The following PGAM5 variants were observed in gnomAD, a reference collection of about 807,000 sequenced individuals.
PGAM5 encodes the protein PGAM family member 5, mitochondrial serine/threonine protein phosphatase, also known as serine/threonine-protein phosphatase PGAM5, mitochondrial.
Under a neutral mutation model 30.6 loss-of-function variants are expected in PGAM5, and 25 were observed. The observed-to-expected ratio is 0.82, with a 90% CI of 0.60 to 1.14. The LOEUF is 1.14. PGAM5 is among the 50% of genes most tolerant of loss of function. The pLI is 0.00. For synonymous variants in PGAM5, 201 were observed against 179.1 expected (o/e 1.12, Z -0.98); for missense variants, 384 against 408.5 (o/e 0.94, Z 0.52).
intron 2 of PGAM5, 29 bp downstream of exon 2, chr12:132,715,065 A>AC: frequency 6.4e-7 from 1 of 1,565,162 alleles, no homozygotes; most frequent in South Asian, 1.2e-5. Flanking sequence ...TCCTCTGTGG[A>AC]CCCTCGTGGT....
In PGAM5 at chr12:132,719,324, TG is replaced by T. The variant is rs576474890; in HGVS notation, c.719+1207del. Among the ~76,000 whole-genome samples, 567 of 152,248 alleles carry T rather than the reference TG, an allele frequency of 3.7e-3. 4 individuals carry two copies. Among genetic ancestry groups the T allele is most frequent in the African/African-American group, 0.013 (521 of 41,550 alleles). On this transcript the variant is annotated intron_variant, in intron 5 of 5. Transcript: ENST00000498926. ...CCCTGGTCTCTGCCCGTCTGTCACC[TG>T]GGCCTGTCACCAGGGCTGGGGCTGC... is the stretch of plus-strand genomic sequence containing the variant.
rs2043640391 is a variant in PGAM5 at position 132,721,090 on chromosome 12, T to C, written c.*262T>C. On this transcript the variant is annotated 3_prime_UTR_variant, in exon 6 of 6. Transcript: ENST00000498926. ...ACAAGTCAGGCCTGTTGTGGGGACT[T>C]GAAAGAGGCCTGACCCAGACCACCA... 5.9e-6 allele frequency: 2 copies of C among 336,568 alleles called. No homozygotes were observed. The highest frequency in any genetic ancestry group is 5.2e-5 in the South Asian group (1 of 19,344). The allele number at this position is 336,568 out of a possible 1,614,324, so 20.8% of individuals were successfully genotyped here. A position where few individuals can be genotyped will look rare whatever the true frequency, so the allele number is the denominator to read the frequency against.
At chr12:132,711,577 T>G (rs1250575467) in intron 1 of PGAM5, 1 of 151,932 alleles carries the variant, frequency 6.6e-6, no homozygotes, top group Non-Finnish European at 1.5e-5. Context: ...GCTTGAGAAA[T>G]TTGAAACCAG....
chr12:132,715,686 CT>C (rs1158436449), intron 2 of PGAM5, among the ~76,000 whole-genome samples: 1 of 152,180 alleles, frequency 6.6e-6, no homozygotes, highest in Admixed American at 6.5e-5. Flanking sequence ...CGAGACCAGC[CT>C]GGCCAACAGG....
In PGAM5 at chr12:132,717,677, C is replaced by T. The variant is rs766593180; in HGVS notation, c.497-33C>T. 3.2e-6 allele frequency: 5 copies of T among 1,564,114 alleles called. No individual in the cohort carries two copies. In the Admixed American group the frequency reaches 7.5e-5, roughly 24 times the overall value. ...CACAGCATCTCCGCCGGCGGGGCCG[C>T]CTCACCCAGCGCTTCGCTGTGCTTC... On this transcript the variant is annotated intron_variant, in intron 3 of 5. Transcript: ENST00000498926.
intron 5 of PGAM5, chr12:132,718,836 C>T (rs145248155): frequency 0.016 from 26,189 of 1,613,192 alleles, 233 homozygotes; most frequent in Middle Eastern, 0.036. Flanking sequence ...GATCTGTGGG[C>T]GCTCCCACCC....
chr12:132,719,888 C>T (rs2043625617), intron 5 of PGAM5, among the ~76,000 whole-genome samples: 1 of 152,100 alleles, frequency 6.6e-6, no homozygotes. Context: ...GAAGATGCCA[C>T]GGCGGGTAGA....
At chr12:132,715,118 C>A (rs1050602915) in intron 2 of PGAM5, 82 bp downstream of exon 2, 4 of 1,411,112 alleles carry the variant, frequency 2.8e-6, no homozygotes, top group Non-Finnish European at 3.8e-6. Flanking sequence ...GGTTATGTGA[C>A]TGGGTGCAGG....
At chr12:132,712,892 T>C (rs1383829299) in intron 1 of PGAM5, among the ~76,000 whole-genome samples, 1 of 152,028 alleles carries the variant, frequency 6.6e-6, no homozygotes, top group African/African-American at 2.4e-5. Flanking sequence ...GTGCGGTGGC[T>C]CACACCTGTA....
intron 1 of PGAM5, among the ~76,000 whole-genome samples, chr12:132,713,673 T>G (rs1219861463): frequency 6.6e-6 from 1 of 152,156 alleles, no homozygotes; most frequent in East Asian, 1.9e-4. Context: ...CGCGTTGAAC[T>G]TTTTTTGTTG....
chr12:132,715,593 C>T (rs7956215), intron 2 of PGAM5, among the ~76,000 whole-genome samples: 46,177 of 141,634 alleles, frequency 0.33, 7,981 homozygotes, highest in Non-Finnish European at 0.41. Flanking sequence ...AATGTCCTTA[C>T]CTTGGCCAGG....
At chr12:132,719,829 G>A (rs1350188576) in intron 5 of PGAM5, among the ~76,000 whole-genome samples, 2 of 152,230 alleles carry the variant, frequency 1.3e-5, no homozygotes, top group African/African-American at 2.4e-5. Flanking sequence ...AGGCGATGAA[G>A]GCAACTCCGA....
intron 1 of PGAM5, among the ~76,000 whole-genome samples, chr12:132,713,920 C>T (rs1023399547): frequency 2.0e-5 from 3 of 152,164 alleles, no homozygotes; most frequent in Non-Finnish European, 4.4e-5. Flanking sequence ...CTGCCCACCT[C>T]GGCCTCCCAA....
intron 1 of PGAM5, among the ~76,000 whole-genome samples, chr12:132,712,905 C>T (rs576266077): frequency 1.4e-4 from 22 of 152,206 alleles, no homozygotes; most frequent in African/African-American, 5.3e-4. Flanking sequence ...CACCTGTAAT[C>T]CCAGCATTTT....
intron 1 of PGAM5, chr12:132,711,481 G>T (rs2043522250): frequency 6.5e-6 from 1 of 153,628 alleles, no homozygotes; most frequent in African/African-American, 2.4e-5. Context: ...CTTAGTTTAC[G>T]TCAATTTAAA....
intron 2 of PGAM5, among the ~76,000 whole-genome samples, chr12:132,715,433 C>T (rs2043565946): frequency 6.6e-6 from 1 of 151,506 alleles, no homozygotes; most frequent in Admixed American, 6.6e-5. Context: ...TAGCCAGGTG[C>T]AGTGGTGGGC....
At chr12:132,715,849 A>G (rs2043571672) in intron 2 of PGAM5, among the ~76,000 whole-genome samples, 1 of 152,096 alleles carries the variant, frequency 6.6e-6, no homozygotes, top group Non-Finnish European at 1.5e-5. Flanking sequence ...ACTGCACTCT[A>G]GCCTAGGTAA....
intron 5 of PGAM5, among the ~76,000 whole-genome samples, chr12:132,720,033 T>C (rs942355215): frequency 1.3e-5 from 2 of 151,040 alleles, no homozygotes; most frequent in African/African-American, 2.4e-5. Flanking sequence ...TCTGTGCAAA[T>C]CTTGAGTTGG....
rs775988474 is a variant in PGAM5 at position 132,717,666 on chromosome 12, C to A, written c.497-44C>A. The A allele has an allele frequency of 2.4e-5, 38 of 1,565,854 alleles. 1 individual carries two copies. The highest frequency in any genetic ancestry group is 3.2e-5 in the Non-Finnish European group (37 of 1,153,458). On this transcript the variant is annotated intron_variant, in intron 3 of 5. Coordinates refer to ENST00000498926, the MANE Select transcript of PGAM5 (RefSeq NM_001170543.2). ...CACCGGGAGGTCACAGCATCTCCGC[C>A]GGCGGGGCCGCCTCACCCAGCGCTT...
Sources: allele counts gnomAD v4.1 joint callset (sites outside exome capture counted in the v4.1 genomes callset), GRCh38; gene constraint gnomAD v4.1.1; transcripts MANE v1.5; gene names NCBI Gene and HGNC (gene_info 2026-07-23, HGNC 2026-07-21).